GNA14: variants seen among roughly 807,000 people sequenced by gnomAD.
The protein encoded by GNA14 is G protein subunit alpha 14, also known as guanine nucleotide-binding protein subunit alpha-14.
In GNA14, 50 loss-of-function variants were observed where a neutral mutation model predicts 42.0. The observed-to-expected ratio is 1.19, with a 90% CI of 0.95 to 1.51. GNA14 has a LOEUF of 1.51. Ranked by LOEUF, GNA14 falls within the 40% of genes most tolerant of loss-of-function variation. The pLI is 0.00. For synonymous variants in GNA14, 173 were observed against 163.1 expected (o/e 1.06, Z -0.46); for missense variants, 473 against 446.2 (o/e 1.06, Z -0.54).
At chr9:77,549,198 T>G (rs947451956) in intron 1 of GNA14, among the ~76,000 whole-genome samples, 3 of 152,180 alleles carry the variant, frequency 2.0e-5, no homozygotes, top group Non-Finnish European at 4.4e-5. Context: ...CCTCCCAAAG[T>G]GCCGGGATTA....
chr9:77,559,793 T>C (rs547109860), intron 1 of GNA14, among the ~76,000 whole-genome samples: 50 of 152,348 alleles, frequency 3.3e-4, no homozygotes, highest in African/African-American at 1.2e-3. Flanking sequence ...CATAAACAAA[T>C]GGTCCTTCCA....
chr9:77,424,091 A>G lies in GNA14; in HGVS notation c.956T>C (p.Val319Ala). 6.2e-7 allele frequency: 1 copy of G among 1,612,464 alleles called. No homozygotes were observed. The highest frequency in any genetic ancestry group is 2.2e-5 in the East Asian group (1 of 44,848). The change falls in exon 7 of 7, where the codon GTC becomes GCC. Residue 319 changes from valine to alanine, a missense_variant. Physicochemically the swap from Val to Ala is moderately conservative, Grantham distance 64. Coordinates refer to ENST00000341700, the MANE Select transcript of GNA14 (RefSeq NM_004297.4). ...AGCACATGTGAAGTGAGAGTAGATG[A>G]CTTTCTCTTTGTCAGGATTCTGATC... Reference protein sequence around the residue: ...YQDQNPDKEKVIYSHFTCATD... With the variant: ...YQDQNPDKEKAIYSHFTCATD...
At chr9:77,454,396 G>A (rs1296975550) in intron 2 of GNA14, among the ~76,000 whole-genome samples, 3 of 152,174 alleles carry the variant, frequency 2.0e-5, no homozygotes, top group African/African-American at 4.8e-5. Flanking sequence ...ATAACCTTTC[G>A]CTCGCTGTGT....
At chr9:77,437,622 AAAAG>A (rs959773006) in intron 2 of GNA14, among the ~76,000 whole-genome samples, 2 of 151,952 alleles carry the variant, frequency 1.3e-5, no homozygotes, top group South Asian at 4.2e-4. Flanking sequence ...AAGGAAGGGA[AAAAG>A]AAAGAAAGAA....
At chr9:77,489,731 A>C (rs531124225) in intron 2 of GNA14, among the ~76,000 whole-genome samples, 1 of 151,686 alleles carries the variant, frequency 6.6e-6, no homozygotes, top group African/African-American at 2.4e-5. Flanking sequence ...GCGCGTCTGG[A>C]GTTGTTCATT....
intron 1 of GNA14, among the ~76,000 whole-genome samples, chr9:77,640,928 C>CAGCTTGAA (rs1289756741): frequency 6.8e-6 from 1 of 147,688 alleles, no homozygotes; most frequent in African/African-American, 2.5e-5. Context: ...ACACAGGAGC[C>CAGCTTGAA]AGCTTGAAGG....
At chr9:77,529,297 A>G (rs1208960776) in intron 1 of GNA14, 44 bp from the exon 2 acceptor site, 1 of 1,461,402 alleles carries the variant, frequency 6.8e-7, no homozygotes, top group Non-Finnish European at 9.6e-7. Flanking sequence ...CAGACTTCCA[A>G]AGGAACACAC....
intron 1 of GNA14, among the ~76,000 whole-genome samples, chr9:77,618,880 G>A (rs573574426): frequency 4.0e-4 from 61 of 150,994 alleles, no homozygotes; most frequent in African/African-American, 9.7e-4. Context: ...TGATCCGCCC[G>A]CCTCGGCCTC....
intron 1 of GNA14, among the ~76,000 whole-genome samples, chr9:77,562,342 A>G (rs1822897718): frequency 6.6e-6 from 1 of 152,184 alleles, no homozygotes; most frequent in South Asian, 2.1e-4. Flanking sequence ...ATGAGGAATG[A>G]GGATTGAGAG....
rs539615688 is a variant in GNA14 at position 77,518,818 on chromosome 9, T to C, written c.309+10251A>G. Among the ~76,000 whole-genome samples, 7 of 152,358 alleles carry C rather than the reference T, an allele frequency of 4.6e-5. No homozygotes were observed. The East Asian group carries it at 1.3e-3, about 29-fold the overall frequency. ...GCCAAGTTACACAAACCAGCCCATATCTTTACTTCTAATTACAGATGCCAT... is the reference window on the plus strand; with the variant it reads ...GCCAAGTTACACAAACCAGCCCATACCTTTACTTCTAATTACAGATGCCAT... On this transcript the variant is annotated intron_variant, in intron 2 of 6. Transcript: ENST00000341700.
intron 1 of GNA14, among the ~76,000 whole-genome samples, chr9:77,620,968 C>T (rs1376650641): frequency 6.6e-6 from 1 of 151,654 alleles, no homozygotes; most frequent in African/African-American, 2.4e-5. Context: ...GGTCTCACTC[C>T]TATCACCCAG....
intron 6 of GNA14, among the ~76,000 whole-genome samples, chr9:77,425,089 G>A (rs912156757): frequency 6.6e-6 from 1 of 152,166 alleles, no homozygotes; most frequent in African/African-American, 2.4e-5. Context: ...TGACTGGCAT[G>A]AGGAATGCAC....
intron 1 of GNA14, among the ~76,000 whole-genome samples, chr9:77,598,623 A>G (rs1823503324): frequency 6.6e-6 from 1 of 152,222 alleles, no homozygotes; most frequent in Non-Finnish European, 1.5e-5. Flanking sequence ...ACTGGCATAT[A>G]TGTGGAGATT....
At chr9:77,481,636 G>A (rs1158100283) in intron 2 of GNA14, among the ~76,000 whole-genome samples, 27 of 149,662 alleles carry the variant, frequency 1.8e-4, no homozygotes, top group African/African-American at 2.2e-4. Flanking sequence ...TCTGTCTAAT[G>A]TTGACAGTGG....
At chr9:77,520,373 G>A (rs143238127) in intron 2 of GNA14, among the ~76,000 whole-genome samples, 13 of 152,252 alleles carry the variant, frequency 8.5e-5, no homozygotes, top group East Asian at 1.9e-4. Context: ...CACCTCTGTC[G>A]CCTTTTTATC....
chr9:77,512,173 T>C (rs1837181864), intron 2 of GNA14, among the ~76,000 whole-genome samples: 1 of 151,926 alleles, frequency 6.6e-6, no homozygotes, highest in Non-Finnish European at 1.5e-5. Context: ...ACAAAAATAT[T>C]TCCAGAACAC....
intron 2 of GNA14, among the ~76,000 whole-genome samples, chr9:77,472,771 G>A (rs566278452): frequency 6.7e-6 from 1 of 150,040 alleles, no homozygotes; most frequent in South Asian, 2.1e-4. Context: ...CCTTATAAGA[G>A]GAAGAGACAT....
At chr9:77,587,275 T>C (rs868606519) in intron 1 of GNA14, among the ~76,000 whole-genome samples, 3 of 152,194 alleles carry the variant, frequency 2.0e-5, no homozygotes, top group Non-Finnish European at 4.4e-5. Context: ...AATTACCACA[T>C]GACCCAGCAA....
chr9:77,486,027 G>C (rs561289595), intron 2 of GNA14, among the ~76,000 whole-genome samples: 193 of 152,292 alleles, frequency 1.3e-3, no homozygotes, highest in African/African-American at 4.5e-3. Context: ...CCTGTCCTTT[G>C]AAGCACTGAA....
Sources: allele counts gnomAD v4.1 joint callset (sites outside exome capture counted in the v4.1 genomes callset), GRCh38; gene constraint gnomAD v4.1.1; transcripts MANE v1.5; gene names NCBI Gene and HGNC (gene_info 2026-07-23, HGNC 2026-07-21).